Variants in SGCZ observed in about 807,000 individuals in gnomAD.
The protein encoded by SGCZ is sarcoglycan zeta.
Under a neutral mutation model 41.3 loss-of-function variants are expected in SGCZ, and 40 were observed. That is an observed-to-expected ratio of 0.97 (90% CI 0.75 to 1.26). The LOEUF is 1.26. Ranked by LOEUF, SGCZ falls within the 50% of genes most tolerant of loss-of-function variation. The pLI is 0.00. For missense variants in SGCZ, 552 were observed against 369.8 expected, an observed-to-expected ratio of 1.49 and a Z score of -4.04; for synonymous variants, 206 against 137.5, an observed-to-expected ratio of 1.50 and a Z score of -3.49.
At position 14,927,793 on chromosome 8, in the gene SGCZ, G is replaced by A. The variant is rs80321400; in HGVS notation, c.39+309792C>T. 9.3e-3 allele frequency among the ~76,000 whole-genome samples: 1,422 copies of A among 152,228 alleles called. 31 individuals carry two copies. The highest frequency in any genetic ancestry group is 0.033 in the African/African-American group (1,364 of 41,536). On this transcript the variant is annotated intron_variant, in intron 1 of 7. Coordinates refer to ENST00000382080, the MANE Select transcript of SGCZ (RefSeq NM_139167.4). The stretch of plus-strand genomic sequence containing the variant: ...CGGCATGGTCTTGCCTTATTAAAGG[G>A]TTAACTTCTAGTCTGACCCTATGTT...
intron 4 of SGCZ, among the ~76,000 whole-genome samples, chr8:14,226,413 T>C (rs1296232044): frequency 6.6e-6 from 1 of 152,114 alleles, no homozygotes; most frequent in Non-Finnish European, 1.5e-5. Flanking sequence ...ATACCATCCC[T>C]GTGAACTACG....
rs1332384011 is a variant in SGCZ at position 14,639,123 on chromosome 8, T to C, written c.40-84197A>G. ...GTGCAGTGGTGCACTCTTGGCTCAC[T>C]GTAACCTTGCCTCCCAGGTTCAAGT... On this transcript the variant is annotated intron_variant, in intron 1 of 7. Transcript: ENST00000382080. 2.7e-5 allele frequency among the ~76,000 whole-genome samples: 4 copies of C among 149,856 alleles called. No individual in the cohort carries two copies. The Admixed American group carries it at 2.7e-4, about 10-fold the overall frequency.
chr8:15,230,538 T>A (rs1340012820), intron 1 of SGCZ, among the ~76,000 whole-genome samples: 2 of 152,252 alleles, frequency 1.3e-5, no homozygotes, highest in Non-Finnish European at 2.9e-5. Context: ...AAGAATTATT[T>A]GCAGAATGAA....
At chr8:14,234,284 C>T (rs2117158196) in intron 4 of SGCZ, among the ~76,000 whole-genome samples, 1 of 152,024 alleles carries the variant, frequency 6.6e-6, no homozygotes, top group East Asian at 1.9e-4. Context: ...AGAATTAGTA[C>T]ATAGGATGGC....
At chr8:14,939,432 A>G (rs927008997) in intron 1 of SGCZ, among the ~76,000 whole-genome samples, 1 of 152,090 alleles carries the variant, frequency 6.6e-6, no homozygotes, top group Non-Finnish European at 1.5e-5. Context: ...CTATTTTTTG[A>G]CATTTCACCT....
intron 2 of SGCZ, among the ~76,000 whole-genome samples, chr8:14,427,263 G>A (rs1252003245): frequency 2.6e-5 from 4 of 151,964 alleles, no homozygotes; most frequent in African/African-American, 9.7e-5. Context: ...GAGGAAATAA[G>A]CTATACAACA....
chr8:15,151,411 T>C (rs142707979), intron 1 of SGCZ, among the ~76,000 whole-genome samples: 210 of 152,362 alleles, frequency 1.4e-3, no homozygotes, highest in African/African-American at 4.9e-3. Context: ...TAATCCCTTA[T>C]TGAAATAATG....
intron 1 of SGCZ, among the ~76,000 whole-genome samples, chr8:15,002,980 TC>T (rs1375625879): frequency 1.3e-5 from 2 of 151,608 alleles, no homozygotes; most frequent in African/African-American, 2.4e-5. Context: ...AAAGGGGAGT[TC>T]CCCTGCACGT....
intron 2 of SGCZ, among the ~76,000 whole-genome samples, chr8:14,539,318 A>G (rs1330491122): frequency 6.6e-6 from 1 of 151,728 alleles, no homozygotes; most frequent in Non-Finnish European, 1.5e-5. Context: ...TATACATCCT[A>G]TTGCTTCTGT....
At chr8:14,971,553 T>G (rs1023299250) in intron 1 of SGCZ, among the ~76,000 whole-genome samples, 1 of 151,958 alleles carries the variant, frequency 6.6e-6, no homozygotes. Context: ...GTTAATATAC[T>G]AAATTACGTA....
intron 2 of SGCZ, among the ~76,000 whole-genome samples, chr8:14,488,564 C>T (rs1295003423): frequency 2.0e-5 from 3 of 152,068 alleles, no homozygotes; most frequent in Admixed American, 1.3e-4. Context: ...TCTCAAGGAT[C>T]TCGGAGCTAA....
chr8:14,620,740 T>C (rs1806257498), intron 1 of SGCZ, among the ~76,000 whole-genome samples: 1 of 152,170 alleles, frequency 6.6e-6, no homozygotes. Flanking sequence ...CACAATGAGA[T>C]ACCATCTCAC....
chr8:14,505,166 A>G (rs1008649320), intron 2 of SGCZ, among the ~76,000 whole-genome samples: 2 of 152,116 alleles, frequency 1.3e-5, no homozygotes, highest in African/African-American at 4.8e-5. Context: ...CAAAAATTAT[A>G]TATATAGAAA....
chr8:14,249,650 T>A (rs2117202905), intron 3 of SGCZ, among the ~76,000 whole-genome samples: 1 of 152,256 alleles, frequency 6.6e-6, no homozygotes, highest in East Asian at 1.9e-4. Context: ...AGGAGAAATA[T>A]TAGAGATAAT....
intron 2 of SGCZ, among the ~76,000 whole-genome samples, chr8:14,442,325 C>T (rs1800294531): frequency 6.6e-6 from 1 of 152,144 alleles, no homozygotes; most frequent in Non-Finnish European, 1.5e-5. Flanking sequence ...AGTTCCCTTG[C>T]ACACACTCTC....
At chr8:14,377,429 C>G (rs1389944946) in intron 2 of SGCZ, among the ~76,000 whole-genome samples, 1 of 151,916 alleles carries the variant, frequency 6.6e-6, no homozygotes, top group Non-Finnish European at 1.5e-5. Context: ...AACTGCTTTC[C>G]TGAGCTATGT....
At chr8:14,342,373 C>A (rs143283523) in intron 2 of SGCZ, among the ~76,000 whole-genome samples, 1,833 of 152,140 alleles carry the variant, frequency 0.012, 35 homozygotes, top group African/African-American at 0.041. Context: ...CTGGAGTGCA[C>A]TGGCGCTATC....
chr8:14,088,452 G>C lies in SGCZ; in HGVS notation c.*1991C>G, dbSNP rs1445868753. On this transcript the variant is annotated 3_prime_UTR_variant, in exon 8 of 8. Transcript: ENST00000382080. ...TTACTACATAATGTTTTCCTTAAAA[G>C]TCCATAATATAGTGATTAGCACACA... 6.6e-6 allele frequency among the ~76,000 whole-genome samples: 1 copy of C among 151,756 alleles called. No homozygotes were observed. The highest frequency in any genetic ancestry group is 1.5e-5 in the Non-Finnish European group (1 of 67,830).
chr8:14,492,566 G>C (rs73190226), intron 2 of SGCZ, among the ~76,000 whole-genome samples: 9,981 of 152,132 alleles, frequency 0.066, 577 homozygotes, highest in African/African-American at 0.15. Flanking sequence ...ACGAAGAAAA[G>C]TGAAAGCTTT....
Sources: gnomAD v4.1 joint callset for allele counts (sites outside exome capture counted in the v4.1 genomes callset) on GRCh38, gnomAD v4.1.1 for gene constraint, MANE v1.5 for transcripts, NCBI Gene and HGNC (gene_info 2026-07-23, HGNC 2026-07-21) for gene names.